Variants in AFF3 observed in about 807,000 individuals in gnomAD.
AFF3 encodes the protein ALF transcription elongation factor 3, also known as AF4/FMR2 family member 3.
Under a neutral mutation model 129.7 loss-of-function variants are expected in AFF3, and 32 were observed. The ratio of observed to expected loss-of-function variants is 0.25; its 90% CI spans 0.19 to 0.33. The LOEUF (loss-of-function observed/expected upper bound fraction) is 0.33. AFF3 is among the 10% of genes least tolerant of loss of function. AFF3 has a pLI of 1.00. For synonymous variants in AFF3, 644 were observed against 635.4 expected, an observed-to-expected ratio of 1.01 and a Z score of -0.20; for missense variants, 1,373 against 1,592.0, an observed-to-expected ratio of 0.86 and a Z score of 2.34.
In AFF3 at chr2:99,687,405, G is replaced by A. The variant is rs566533098; in HGVS notation, c.1092-14816C>T. Among the ~76,000 whole-genome samples the A allele has an allele frequency of 2.6e-5, 4 of 152,312 alleles. No homozygotes were observed. In the South Asian group the frequency reaches 8.3e-4, roughly 32 times the overall value. ...TGGCAGGGGCCAGATGCGGGAGAAG[G>A]AGGACCAGTTTTATCAAATGAGCCA... On this transcript the variant is annotated intron_variant, in intron 11 of 24. Transcript: ENST00000672756.
chr2:99,791,265 G>A (rs1685167634), intron 8 of AFF3, among the ~76,000 whole-genome samples: 1 of 152,158 alleles, frequency 6.6e-6, no homozygotes, highest in Non-Finnish European at 1.5e-5. Flanking sequence ...ATTGGTTCTA[G>A]GACCCCTGTG....
intron 13 of AFF3, among the ~76,000 whole-genome samples, chr2:99,627,510 C>T (rs114808366): frequency 0.015 from 2,279 of 152,116 alleles, 48 homozygotes; most frequent in African/African-American, 0.051. Context: ...AAATGTTCTC[C>T]CATTATGAAG....
rs13429281 is a variant in AFF3 at position 100,106,501 on chromosome 2, T to A, written c.-144-918A>T. ...TTAGCATACGCCTTGTTGGAAATGT[T>A]TGCTTTGGCGAAAGTGAGATCGAGA... On this transcript the variant is annotated intron_variant, in intron 2 of 24. Coordinates refer to ENST00000672756, the MANE Select transcript of AFF3 (RefSeq NM_001386135.1). The A allele has an allele frequency of 2.7e-3, 2,722 of 1,002,398 alleles. 65 individuals carry two copies. The African/African-American group carries it at 0.043, about 16-fold the overall frequency. 62.1% of individuals were successfully genotyped at this position (1,002,398 alleles called of 1,614,324 possible).
At chr2:99,808,196 C>G (rs191921824) in intron 8 of AFF3, among the ~76,000 whole-genome samples, 57 of 152,296 alleles carry the variant, frequency 3.7e-4, no homozygotes, top group African/African-American at 1.3e-3. Flanking sequence ...AAACACCACT[C>G]TCAAGGTTTT....
intron 13 of AFF3, among the ~76,000 whole-genome samples, chr2:99,645,979 G>C (rs891351676): frequency 1.3e-5 from 2 of 152,024 alleles, no homozygotes; most frequent in Admixed American, 1.3e-4. Flanking sequence ...CCTTAGGAAG[G>C]GAAAGGGAAA....
intron 7 of AFF3, among the ~76,000 whole-genome samples, chr2:99,984,116 T>TA (rs1317692326): frequency 6.6e-6 from 1 of 152,226 alleles, no homozygotes; most frequent in Non-Finnish European, 1.5e-5. Context: ...TTTAGTCTTT[T>TA]ATTTTTTAAT....
At chr2:100,003,184 T>C (rs1371245789) in intron 7 of AFF3, among the ~76,000 whole-genome samples, 1 of 152,158 alleles carries the variant, frequency 6.6e-6, no homozygotes, top group Admixed American at 6.5e-5. Context: ...ATATTTTCTA[T>C]TCCTTCATTT....
chr2:100,119,919 C>T (rs1331748006), intron 2 of AFF3, among the ~76,000 whole-genome samples: 2 of 152,304 alleles, frequency 1.3e-5, no homozygotes, highest in Non-Finnish European at 2.9e-5. Context: ...AACAGAATCG[C>T]TCTGTTAGAA....
chr2:99,811,309 T>C (rs896537666), intron 8 of AFF3, among the ~76,000 whole-genome samples: 2 of 152,224 alleles, frequency 1.3e-5, no homozygotes, highest in African/African-American at 4.8e-5. Flanking sequence ...GCAAAGCACT[T>C]TGACATTCAT....
rs1376493011 is a variant in AFF3, at chr2:99,554,543, G to A, written c.3336-9C>T. On this transcript the variant is annotated splice_polypyrimidine_tract_variant and intron_variant, in intron 23 of 24. Coordinates refer to ENST00000672756, the MANE Select transcript of AFF3 (RefSeq NM_001386135.1). The stretch of plus-strand genomic sequence containing the variant: ...ATGGGGTTCCAGTGCTCCTGGAAGG[G>A]GAGAGGTAGAAAAACCAGAGTGGCG... 1.2e-6 allele frequency: 2 copies of A among 1,611,092 alleles called. No individual in the cohort carries two copies. Among genetic ancestry groups the A allele is most frequent in the East Asian group, 4.5e-5 (2 of 44,818 alleles).
intron 11 of AFF3, among the ~76,000 whole-genome samples, chr2:99,683,614 AT>A: frequency 6.6e-6 from 1 of 151,810 alleles, no homozygotes; most frequent in African/African-American, 2.4e-5. Flanking sequence ...TGCCTGGCTA[AT>A]TTTTGTAGGG....
At chr2:99,866,976 T>C (rs1691451197) in intron 7 of AFF3, among the ~76,000 whole-genome samples, 1 of 100,120 alleles carries the variant, frequency 1.0e-5, no homozygotes. Flanking sequence ...ATAATAATAA[T>C]AATAATAATA....
At chr2:99,610,705 G>A (rs953420880) in intron 13 of AFF3, among the ~76,000 whole-genome samples, 5 of 152,200 alleles carry the variant, frequency 3.3e-5, no homozygotes, top group African/African-American at 1.2e-4. Context: ...CACTGCTTCC[G>A]GGACTTTCAA....
At chr2:99,905,440 C>T (rs1013201621) in intron 7 of AFF3, among the ~76,000 whole-genome samples, 1 of 152,188 alleles carries the variant, frequency 6.6e-6, no homozygotes, top group Admixed American at 6.5e-5. Flanking sequence ...CCTCTGCCCT[C>T]CCTTCCTCTT....
chr2:99,963,361 G>A (rs906627310), intron 7 of AFF3, among the ~76,000 whole-genome samples: 1 of 152,046 alleles, frequency 6.6e-6, no homozygotes, highest in African/African-American at 2.4e-5. Context: ...ACATCAGAAT[G>A]GCTAAAATTG....
intron 13 of AFF3, among the ~76,000 whole-genome samples, chr2:99,615,968 G>C (rs1403201311): frequency 6.6e-6 from 1 of 152,222 alleles, no homozygotes; most frequent in East Asian, 1.9e-4. Flanking sequence ...GAGATTCTGG[G>C]CTACCAGAAT....
intron 13 of AFF3, among the ~76,000 whole-genome samples, chr2:99,604,435 A>C (rs371115975): frequency 7.8e-4 from 118 of 152,062 alleles, no homozygotes; most frequent in African/African-American, 2.8e-3. Flanking sequence ...GAACACATGG[A>C]CACTGAGAAG....
intron 7 of AFF3, among the ~76,000 whole-genome samples, chr2:99,943,537 G>A (rs1298927808): frequency 6.6e-6 from 1 of 152,196 alleles, no homozygotes. Context: ...AAAAGAAAAT[G>A]TGACACTGCC....
rs554414560 is a variant in AFF3 at position 99,947,575 on chromosome 2, A to T, written c.873+59057T>A. On this transcript the variant is annotated intron_variant, in intron 7 of 24. Coordinates refer to ENST00000672756, the MANE Select transcript of AFF3 (RefSeq NM_001386135.1). ...AAAGAGAGAGAAAGAGAAAGAAAGA[A>T]AAGAAAAGAAAGAAAGAAAGAAAGA... 6.3e-5 allele frequency among the ~76,000 whole-genome samples: 9 copies of T among 143,284 alleles called. 1 individual carries two copies. The highest frequency in any genetic ancestry group is 2.4e-4 in the African/African-American group (9 of 36,884). The allele number at this position is 143,284 out of a possible 152,430, so 94.0% of individuals were successfully genotyped here.
Sources: gnomAD v4.1 joint callset for allele counts (sites outside exome capture counted in the v4.1 genomes callset) on GRCh38, gnomAD v4.1.1 for gene constraint, MANE v1.5 for transcripts, NCBI Gene and HGNC (gene_info 2026-07-23, HGNC 2026-07-21) for gene names.